Variants in PTPRD observed in about 807,000 individuals in gnomAD.
PTPRD encodes protein tyrosine phosphatase receptor type D.
Under a neutral mutation model 214.5 loss-of-function variants are expected in PTPRD, and 34 were observed. The ratio of observed to expected loss-of-function variants is 0.16; its 90% CI spans 0.12 to 0.21. The LOEUF (loss-of-function observed/expected upper bound fraction) is 0.21, where lower values mean the gene tolerates loss of function less well. Ranked by LOEUF, PTPRD falls within the 10% of genes least tolerant of loss-of-function variation. The pLI, the probability that PTPRD is intolerant of heterozygous loss-of-function variation, is 1.00. For missense variants in PTPRD, 2,545 were observed against 2,398.7 expected, an observed-to-expected ratio of 1.06 and a Z score of -1.27; for synonymous variants, 1,128 against 845.7, an observed-to-expected ratio of 1.33 and a Z score of -5.79.
At chr9:9,128,892 T>C (rs994175867) in intron 10 of PTPRD, among the ~76,000 whole-genome samples, 3 of 152,242 alleles carry the variant, frequency 2.0e-5, no homozygotes, top group African/African-American at 7.2e-5. Flanking sequence ...ATCTTAAGTC[T>C]AAACAAATGT....
intron 2 of PTPRD, among the ~76,000 whole-genome samples, chr9:10,591,642 A>G (rs377058352): frequency 6.6e-6 from 1 of 152,088 alleles, no homozygotes; most frequent in East Asian, 1.9e-4. Flanking sequence ...CTGTCCCAAG[A>G]AAAACACTTT....
chr9:9,834,341 C>G (rs1036786245), intron 5 of PTPRD, among the ~76,000 whole-genome samples: 1 of 151,920 alleles, frequency 6.6e-6, no homozygotes, highest in African/African-American at 2.4e-5. Context: ...AAGAAAAAAG[C>G]CCAGATCTAC....
rs139384612 is a variant in PTPRD at position 8,317,909 on chromosome 9, C to G, written c.5704G>C (p.Glu1902Gln). 2.4e-5 allele frequency: 38 copies of G among 1,612,152 alleles called. No individual in the cohort carries two copies. Among genetic ancestry groups the G allele is most frequent in the East Asian group, 8.9e-5 (4 of 44,820 alleles). The change falls in exon 46 of 46, where the codon GAG becomes CAG. Residue 1902 changes from glutamate to glutamine, a missense_variant. Coordinates refer to ENST00000381196, the MANE Select transcript of PTPRD (RefSeq NM_002839.4). ...TAGTGGTCAAAGCTGCCCAGGTACT[C>G]TAGTGCGGCACGATAGGAAAACTGA... ...QYQFSYRAAL[E>Q]YLGSFDHYAT
rs1262619022 is a variant in PTPRD at position 8,947,042 on chromosome 9, TG to T, written c.-104+71654del. On this transcript the variant is annotated intron_variant, in intron 11 of 45. Coordinates refer to ENST00000381196, the MANE Select transcript of PTPRD (RefSeq NM_002839.4). ...TTTTTTTCTTTTCTTTTTTTTTTTT[TG>T]TGTGTGTGTCTCGATCTTCCTCCGG... Among the ~76,000 whole-genome samples the T allele has an allele frequency of 5.5e-3, 729 of 132,256 alleles. 4 individuals carry two copies. Among genetic ancestry groups the T allele is most frequent in the African/African-American group, 0.016 (524 of 33,550 alleles). 86.8% of individuals were successfully genotyped at this position (132,256 alleles called of 152,430 possible).
chr9:8,938,673 A>T lies in PTPRD; in HGVS notation c.-104+80024T>A, dbSNP rs2099013109. On this transcript the variant is annotated intron_variant, in intron 11 of 45. Coordinates refer to ENST00000381196, the MANE Select transcript of PTPRD (RefSeq NM_002839.4). ...GGCTCCTGGTGACCTTTCTTAGGGA[A>T]CAAATTCTTTTAGTACAAAGGGTCC... Among the ~76,000 whole-genome samples, 4 of 152,092 alleles carry T rather than the reference A, an allele frequency of 2.6e-5. No individual in the cohort carries two copies. The South Asian group carries it at 8.3e-4, about 32-fold the overall frequency.
chr9:9,181,073 C>G (rs2099927923), intron 10 of PTPRD, among the ~76,000 whole-genome samples: 2 of 152,048 alleles, frequency 1.3e-5, no homozygotes, highest in East Asian at 3.9e-4. Flanking sequence ...GGAGTTCTTG[C>G]TCTAACTCTT....
chr9:8,767,118 T>A (rs374678089), intron 11 of PTPRD, among the ~76,000 whole-genome samples: 5 of 151,962 alleles, frequency 3.3e-5, no homozygotes, highest in Admixed American at 1.3e-4. Context: ...ATTTCCCCAC[T>A]TTTTTTTCTT....
intron 2 of PTPRD, among the ~76,000 whole-genome samples, chr9:10,547,271 A>C (rs1216618955): frequency 6.6e-6 from 1 of 151,892 alleles, no homozygotes; most frequent in South Asian, 2.1e-4. Context: ...GGTTTTATTG[A>C]TTTATAGAAT....
intron 2 of PTPRD, among the ~76,000 whole-genome samples, chr9:10,483,636 G>C (rs1305528595): frequency 6.6e-6 from 1 of 151,978 alleles, no homozygotes; most frequent in Admixed American, 6.6e-5. Flanking sequence ...TTTCTTAATA[G>C]AAGATATATA....
intron 3 of PTPRD, among the ~76,000 whole-genome samples, chr9:10,329,454 T>C (rs2096709308): frequency 6.6e-6 from 1 of 151,878 alleles, no homozygotes; most frequent in Non-Finnish European, 1.5e-5. Context: ...TTATTTGTCA[T>C]GTCATTGGAT....
At chr9:10,213,013 T>C (rs765714417) in intron 3 of PTPRD, among the ~76,000 whole-genome samples, 4 of 152,158 alleles carry the variant, frequency 2.6e-5, no homozygotes, top group Non-Finnish European at 4.4e-5. Flanking sequence ...CCTTGTATCA[T>C]TGTTTGGCTT....
At chr9:8,789,964 A>C (rs1451709969) in intron 11 of PTPRD, among the ~76,000 whole-genome samples, 1 of 152,174 alleles carries the variant, frequency 6.6e-6, no homozygotes, top group East Asian at 1.9e-4. Context: ...ACCTTCTAAT[A>C]CACTATACAA....
intron 11 of PTPRD, among the ~76,000 whole-genome samples, chr9:8,985,237 G>T (rs1421409435): frequency 6.6e-6 from 1 of 152,078 alleles, no homozygotes; most frequent in Non-Finnish European, 1.5e-5. Context: ...CTAGGCATAT[G>T]TATGCATTTA....
chr9:8,626,718 C>T (rs1595580185), intron 14 of PTPRD, among the ~76,000 whole-genome samples: 2 of 151,790 alleles, frequency 1.3e-5, no homozygotes, highest in African/African-American at 4.8e-5. Flanking sequence ...CAAACTGGGA[C>T]ATCAGCTTTT....
chr9:8,417,343 G>C (rs7861870), intron 35 of PTPRD, among the ~76,000 whole-genome samples: 1 of 151,800 alleles, frequency 6.6e-6, no homozygotes, highest in South Asian at 2.1e-4. Context: ...TAAATTCTGC[G>C]GGAAAAGAGA....
At chr9:9,813,559 C>A (rs1426032128) in intron 5 of PTPRD, among the ~76,000 whole-genome samples, 1 of 152,050 alleles carries the variant, frequency 6.6e-6, no homozygotes, top group Middle Eastern at 3.4e-3. Flanking sequence ...CCTACTAGAA[C>A]TGAGTAATGA....
chr9:10,529,400 T>C (rs140828996), intron 2 of PTPRD, among the ~76,000 whole-genome samples: 2,924 of 152,228 alleles, frequency 0.019, 93 homozygotes, highest in African/African-American at 0.067. Context: ...TAAAAAAGAA[T>C]GAGTTCATGT....
intron 10 of PTPRD, chr9:9,090,897 G>C: frequency 2.2e-6 from 3 of 1,334,202 alleles, no homozygotes; most frequent in Non-Finnish European, 3.2e-6. Context: ...GTGCCTCCAA[G>C]ATGACAAAGA....
At chr9:8,721,493 A>T (rs2154419268) in intron 12 of PTPRD, among the ~76,000 whole-genome samples, 1 of 152,180 alleles carries the variant, frequency 6.6e-6, no homozygotes, top group East Asian at 1.9e-4. Context: ...AGTGAAAGGT[A>T]TCACAATCAC....
Sources: gnomAD v4.1 joint callset for allele counts (sites outside exome capture counted in the v4.1 genomes callset) on GRCh38, gnomAD v4.1.1 for gene constraint, MANE v1.5 for transcripts, NCBI Gene and HGNC (gene_info 2026-07-23, HGNC 2026-07-21) for gene names.